Variants in BAX observed in about 807,000 individuals in gnomAD.
BAX encodes the protein BCL2 associated X, apoptosis regulator, also known as apoptosis regulator BAX.
BAX carries 21 observed loss-of-function variants against 26.8 expected under a neutral mutation model. The observed-to-expected ratio is 0.78, with a 90% CI of 0.56 to 1.13. BAX has a LOEUF of 1.13. BAX is among the 50% of genes most tolerant of loss of function. BAX has a pLI of 0.00. For missense variants in BAX, 236 were observed against 254.6 expected, an observed-to-expected ratio of 0.93 and a Z score of 0.50; for synonymous variants, 110 against 101.8, an observed-to-expected ratio of 1.08 and a Z score of -0.49.
At position 48,955,760 on chromosome 19, in the gene BAX, G is replaced by T. The variant is rs200153051; in HGVS notation, c.160G>T (p.Ala54Ser). Residue 54 changes from alanine to serine, a missense_variant, in exon 3 of 6, where the codon GCG becomes TCG. Transcript: ENST00000345358. ...ELALDPVPQD[A>S]STKKLSECLK... ...GGCCCTGGACCCGGTGCCTCAGGAT[G>T]CGTCCACCAAGAAGCTGAGCGAGTG... is the stretch of plus-strand genomic sequence containing the variant. The T allele has an allele frequency of 1.9e-6, 3 of 1,613,526 alleles. No homozygotes were observed.
chr19:48,961,484 G>A, intron 5 of BAX, 48 bp from the exon 6 acceptor site: 2 of 1,502,656 alleles, frequency 1.3e-6, no homozygotes, highest in Non-Finnish European at 1.8e-6. Flanking sequence ...CCTGCCCAGG[G>A]GCTGCCCCTG....
intron 4 of BAX, among the ~76,000 whole-genome samples, chr19:48,958,896 C>T (rs761986277): frequency 2.0e-5 from 3 of 150,958 alleles, no homozygotes; most frequent in Non-Finnish European, 3.0e-5. Flanking sequence ...GGGGCCTGAA[C>T]GTCCGAGATG....
In BAX at chr19:48,956,258, C is replaced by G; in HGVS notation, c.294C>G (p.Asp98Glu). 1.3e-6 allele frequency: 2 copies of G among 1,590,698 alleles called. No homozygotes were observed. The highest frequency in any genetic ancestry group is 1.7e-6 in the Non-Finnish European group (2 of 1,169,316). Residue 98 changes from aspartate (D) to glutamate (E), a missense_variant, in exon 4 of 6, where the codon GAC (aspartate) becomes GAG (glutamate). By Grantham distance (45) the Asp-to-Glu change is conservative. Coordinates refer to ENST00000345358, the MANE Select transcript of BAX (RefSeq NM_138761.4). ...PREVFFRVAA[D>E]MFSDGNFNWG... ...AGGTCTTTTTCCGAGTGGCAGCTGA[C>G]ATGTTTTCTGACGGCAACTTCAACT...
In BAX at chr19:48,955,729, C is replaced by T. The variant is rs773265755; in HGVS notation, c.129C>T (p.Pro43=). Residue 43 remains proline, a synonymous_variant, in exon 3 of 6, where the codon CCC becomes CCT. Coordinates refer to ENST00000345358, the MANE Select transcript of BAX (RefSeq NM_138761.4). The part of the protein sequence containing the change: ...DRAGRMGGEA[P]ELALDPVPQD... The stretch of plus-strand genomic sequence containing the variant: ...CAGGGCGAATGGGGGGGGAGGCACC[C>T]GAGCTGGCCCTGGACCCGGTGCCTC... 6 of 1,613,102 alleles carry T rather than the reference C, an allele frequency of 3.7e-6. No homozygotes were observed. Among genetic ancestry groups the T allele is most frequent in the African/African-American group, 1.3e-5 (1 of 74,848 alleles).
At chr19:48,956,708 T>TAG (rs1238172789) in intron 4 of BAX, among the ~76,000 whole-genome samples, 2 of 148,392 alleles carry the variant, frequency 1.3e-5, no homozygotes, top group Non-Finnish European at 3.0e-5. Flanking sequence ...CAGGCTTGAG[T>TAG]GCAATGGCAT....
chr19:48,956,204 T>G lies in BAX; in HGVS notation c.240T>G (p.Ile80Met). 2 of 1,533,774 alleles carry G rather than the reference T, an allele frequency of 1.3e-6. No individual in the cohort carries two copies. The highest frequency in any genetic ancestry group is 2.4e-5 in the South Asian group (2 of 81,780). ...GTTCTCCTCTCTCCTGCAGGATGAT[T>G]GCCGCCGTGGACACAGACTCCCCCC... ...LDSNMELQRM[I>M]AAVDTDSPRE... The change falls in exon 4 of 6, where the codon ATT (isoleucine) becomes ATG (methionine). Residue 80 changes from isoleucine to methionine, a missense_variant. Physicochemically the swap from Ile to Met is conservative, Grantham distance 10 (BLOSUM62 1). Transcript: ENST00000345358.
At chr19:48,960,750 C>T in intron 4 of BAX, 60 bp from the exon 5 acceptor site, 4 of 1,393,092 alleles carry the variant, frequency 2.9e-6, no homozygotes, top group Non-Finnish European at 4.0e-6. Flanking sequence ...GGTTTGGGGC[C>T]ACTATCTCCA....
At chr19:48,955,052 T>C (rs964338423) in intron 1 of BAX, 90 bp downstream of exon 1, 18 of 1,224,772 alleles carry the variant, frequency 1.5e-5, no homozygotes, top group Non-Finnish European at 1.8e-5. Context: ...CTGTGCGATC[T>C]CCAAGCACTG....
intron 4 of BAX, among the ~76,000 whole-genome samples, chr19:48,959,121 CA>C (rs1489310771): frequency 6.6e-6 from 1 of 151,392 alleles, no homozygotes; most frequent in Non-Finnish European, 1.5e-5. Context: ...GAGGCCGAGG[CA>C]GGGGGATCAT....
In BAX at chr19:48,955,578, C is replaced by T; in HGVS notation, c.65C>T (p.Thr22Ile). The T allele has an allele frequency of 6.2e-7, 1 of 1,613,924 alleles. No individual in the cohort carries two copies. The highest frequency in any genetic ancestry group is 2.2e-5 in the East Asian group (1 of 44,872). The change falls in exon 2 of 6, where the codon ACA (threonine) becomes ATA (isoleucine). Residue 22 changes from threonine (T) to isoleucine (I), a missense_variant. By Grantham distance (89) the Thr-to-Ile change is moderately conservative. Transcript: ENST00000345358. The stretch of plus-strand genomic sequence containing the variant: ...ACCAGCTCTGAGCAGATCATGAAGA[C>T]AGGGGCCCTTTTGCTTCAGGGGTGA... ...GPTSSEQIMK[T>I]GALLLQGFIQ...
At chr19:48,955,136 A>G in intron 1 of BAX, 174 bp downstream of exon 1, 1 of 776,792 alleles carries the variant, frequency 1.3e-6, no homozygotes, top group Non-Finnish European at 1.7e-6. Context: ...TGGCTCTCTG[A>G]TCCCCGTGTC....
chr19:48,959,574 G>C (rs2038273373), intron 4 of BAX, among the ~76,000 whole-genome samples: 1 of 150,920 alleles, frequency 6.6e-6, no homozygotes. Context: ...CGGCACTTTG[G>C]GAGGCTGAGG....
Position 48,961,708 on chromosome 19 carries a change from G to C in BAX, c.*72G>C. 7.7e-7 allele frequency: 1 copy of C among 1,301,814 alleles called. No individual in the cohort carries two copies. The highest frequency in any genetic ancestry group is 1.1e-6 in the Non-Finnish European group (1 of 932,858). The allele number at this position is 1,301,814 out of a possible 1,614,324, so 80.6% of individuals were successfully genotyped here. ...ATTTTTCTGGGAGGGGTGGGGATTG[G>C]GGGACGTGGGCATTTTTCTTACTTT... On this transcript the variant is annotated 3_prime_UTR_variant, in exon 6 of 6. Transcript: ENST00000345358.
intron 4 of BAX, among the ~76,000 whole-genome samples, chr19:48,958,095 AT>A (rs11400412): frequency 6.9e-5 from 10 of 145,166 alleles, no homozygotes; most frequent in Non-Finnish European, 6.0e-5. Flanking sequence ...CGGGGGGGGC[AT>A]TTTTTTTTTT....
Position 48,961,563 on chromosome 19 carries a change from C to T in BAX, c.506C>T (p.Thr169Met), listed in dbSNP as rs976666767. 9 of 1,611,322 alleles carry T rather than the reference C, an allele frequency of 5.6e-6. No homozygotes were observed. Among genetic ancestry groups the T allele is most frequent in the African/African-American group, 2.7e-5 (2 of 74,844 alleles). Residue 169 changes from threonine to methionine, a missense_variant, in exon 6 of 6, where the codon ACG (threonine) becomes ATG (methionine). Coordinates refer to ENST00000345358, the MANE Select transcript of BAX (RefSeq NM_138761.4). The stretch of plus-strand genomic sequence containing the variant: ...CTCCTCTCCTACTTTGGGACGCCCA[C>T]GTGGCAGACCGTGACCATCTTTGTG... ...DGLLSYFGTPTWQTVTIFVAG... is the reference protein window; with the variant it reads ...DGLLSYFGTPMWQTVTIFVAG...
At chr19:48,956,162 C>T (rs979919138) in intron 3 of BAX, 36 bp from the exon 4 acceptor site, 8 of 1,482,094 alleles carry the variant, frequency 5.4e-6, no homozygotes, top group Non-Finnish European at 7.2e-6. Flanking sequence ...CAGCCTGATG[C>T]CTGCTCCCCG....
At chr19:48,960,723 A>G (rs891671081) in intron 4 of BAX, 87 bp from the exon 5 acceptor site, 1 of 1,194,922 alleles carries the variant, frequency 8.4e-7, no homozygotes. Context: ...GAGGGGAGGC[A>G]AAGAATTGAC....
At position 48,958,544 on chromosome 19, in the gene BAX, CTT is replaced by C. The variant is rs1401538672; in HGVS notation, c.369+2222_369+2223del. Among the ~76,000 whole-genome samples the C allele has an allele frequency of 3.8e-3, 22 of 5,780 alleles. No individual in the cohort carries two copies. In the South Asian group the frequency reaches 0.19, roughly 51 times the overall value. 3.8% of individuals were successfully genotyped at this position (5,780 alleles called of 152,430 possible). A position where few individuals can be genotyped will look rare whatever the true frequency, so the allele number is the denominator to read the frequency against. On this transcript the variant is annotated intron_variant, in intron 4 of 5. Transcript: ENST00000345358. Reference sequence around the variant, plus strand: ...GGGAGGGATATTTCTTTCTTTCTTTCTTTTTTTTTTTTCCTGAGACGGAGTCT... The same window carrying C: ...GGGAGGGATATTTCTTTCTTTCTTTCTTTTTTTTTTCCTGAGACGGAGTCT...
At chr19:48,960,523 C>G (rs1484807830) in intron 4 of BAX, among the ~76,000 whole-genome samples, 1 of 152,154 alleles carries the variant, frequency 6.6e-6, no homozygotes, top group Non-Finnish European at 1.5e-5. Context: ...GCCACCACGC[C>G]CGGCTAATTT....
Sources: gnomAD v4.1 joint callset for allele counts (sites outside exome capture counted in the v4.1 genomes callset) on GRCh38, gnomAD v4.1.1 for gene constraint, MANE v1.5 for transcripts, NCBI Gene and HGNC (gene_info 2026-07-23, HGNC 2026-07-21) for gene names.